The following DDX60L variants were observed in gnomAD, a reference collection of about 807,000 sequenced individuals.
DDX60L encodes probable ATP-dependent RNA helicase DDX60-like.
Under a neutral mutation model 211.6 loss-of-function variants are expected in DDX60L, and 191 were observed. The observed-to-expected ratio is 0.90, with a 90% CI of 0.80 to 1.02. The LOEUF is 1.02. DDX60L is among the 50% of genes least tolerant of loss of function. The pLI, the probability that DDX60L is intolerant of heterozygous loss-of-function variation, is 0.00. For synonymous variants in DDX60L, 706 were observed against 694.1 expected, an observed-to-expected ratio of 1.02 and a Z score of -0.27; for missense variants, 2,007 against 1,984.1, an observed-to-expected ratio of 1.01 and a Z score of -0.22.
In DDX60L at chr4:168,387,766, C is replaced by T. The variant is rs151046195; in HGVS notation, c.3916-2954G>A. Among the ~76,000 whole-genome samples, 951 of 152,152 alleles carry T rather than the reference C, an allele frequency of 6.3e-3. 14 individuals are homozygous for T. The highest frequency in any genetic ancestry group is 6.3e-3 in the Non-Finnish European group (425 of 67,984). On this transcript the variant is annotated intron_variant, in intron 29 of 37. Coordinates refer to ENST00000682922, the MANE Select transcript of DDX60L (RefSeq NM_001012967.3). ...GAGAGAAAAGCATTAAAGATGACTC[C>T]GGAGTGAAAAAGTGGGCACGGCAAA...
intron 34 of DDX60L, among the ~76,000 whole-genome samples, chr4:168,374,077 C>T (rs750897399): frequency 7.2e-5 from 11 of 152,008 alleles, no homozygotes; most frequent in Non-Finnish European, 1.5e-4. Context: ...ACCTCCTAGA[C>T]ATGATGTTCA....
At chr4:168,383,076 T>C (rs1040884465) in intron 30 of DDX60L, among the ~76,000 whole-genome samples, 1 of 152,182 alleles carries the variant, frequency 6.6e-6, no homozygotes, top group Non-Finnish European at 1.5e-5. Context: ...CAGTAAATAA[T>C]TGAACCAGGG....
chr4:168,373,157 C>T lies in DDX60L; in HGVS notation c.4776+509G>A, dbSNP rs376832543. 3.3e-4 allele frequency among the ~76,000 whole-genome samples: 50 copies of T among 152,186 alleles called. No homozygotes were observed. The East Asian group carries it at 8.9e-3, about 27-fold the overall frequency. On this transcript the variant is annotated intron_variant, in intron 35 of 37. Coordinates refer to ENST00000682922, the MANE Select transcript of DDX60L (RefSeq NM_001012967.3). ...GACCCAGGGATAAAATAAGCCAGTG[C>T]ACAGTGTCAATCTTTATTATTAAAT...
intron 4 of DDX60L, among the ~76,000 whole-genome samples, chr4:168,464,687 TTG>T (rs1179995406): frequency 6.6e-6 from 1 of 152,036 alleles, no homozygotes; most frequent in Non-Finnish European, 1.5e-5. Context: ...ACACAATTAT[TTG>T]TGTGTGTGCG....
intron 36 of DDX60L, among the ~76,000 whole-genome samples, chr4:168,365,664 T>A (rs181863920): frequency 1.3e-5 from 2 of 151,942 alleles, no homozygotes; most frequent in East Asian, 3.9e-4. Context: ...TACTTCCAAA[T>A]TTTTTTTACA....
At chr4:168,383,748 A>T (rs1743370252) in intron 30 of DDX60L, among the ~76,000 whole-genome samples, 1 of 152,294 alleles carries the variant, frequency 6.6e-6, no homozygotes, top group Non-Finnish European at 1.5e-5. Context: ...TCAGATAAAA[A>T]GTTTCTTGGC....
At chr4:168,431,334 T>C (rs911958506) in intron 12 of DDX60L, among the ~76,000 whole-genome samples, 10 of 152,210 alleles carry the variant, frequency 6.6e-5, no homozygotes, top group African/African-American at 1.9e-4. Flanking sequence ...TTTTGGATGT[T>C]GTTGCTTTTT....
chr4:168,359,827 C>T (rs1273669552), intron 37 of DDX60L, among the ~76,000 whole-genome samples: 1 of 152,184 alleles, frequency 6.6e-6, no homozygotes, highest in Non-Finnish European at 1.5e-5. Flanking sequence ...CAGTCCCTGT[C>T]ACAACCTCCA....
chr4:168,449,255 C>T (rs1307927613), intron 8 of DDX60L, among the ~76,000 whole-genome samples: 1 of 151,900 alleles, frequency 6.6e-6, no homozygotes, highest in African/African-American at 2.4e-5. Flanking sequence ...GATTAAGAGG[C>T]ACATATACAC....
Position 168,415,431 on chromosome 4 carries a change from A to G in DDX60L, c.2956T>C (p.Cys986Arg). The change falls in exon 22 of 38, where the codon TGT becomes CGT. Residue 986 changes from cysteine (C) to arginine (R), a missense_variant. By Grantham distance (180) the Cys-to-Arg change is radical. Coordinates refer to ENST00000682922, the MANE Select transcript of DDX60L (RefSeq NM_001012967.3). ...ACAATATCTGTCGTTAGCGCAGCAC[A>G]GGGATGAAAATGATCAAAATAAACA... ...DDVYFDHFHP[C>R]AALTTDIIEK... 1 of 1,606,256 alleles carries G rather than the reference A, an allele frequency of 6.2e-7. No homozygotes were observed. Among genetic ancestry groups the G allele is most frequent in the Non-Finnish European group, 8.5e-7 (1 of 1,175,784 alleles).
intron 9 of DDX60L, among the ~76,000 whole-genome samples, chr4:168,448,004 T>C (rs1755089621): frequency 6.6e-6 from 1 of 151,646 alleles, no homozygotes; most frequent in Non-Finnish European, 1.5e-5. Flanking sequence ...AATGTGCACA[T>C]GTACCCTAAA....
At chr4:168,423,510 T>C (rs1750974319) in intron 15 of DDX60L, 98 bp downstream of exon 15, 1 of 813,164 alleles carries the variant, frequency 1.2e-6, no homozygotes, top group Non-Finnish European at 1.8e-6. Context: ...AGTCAATTGA[T>C]AACTCTATAT....
intron 17 of DDX60L, among the ~76,000 whole-genome samples, chr4:168,420,635 C>G (rs1561034275): frequency 6.4e-5 from 6 of 93,684 alleles, no homozygotes; most frequent in African/African-American, 8.1e-5. Flanking sequence ...CACACACACA[C>G]ACACATGAGA....
chr4:168,361,271 C>T, intron 36 of DDX60L, 60 bp from the exon 37 acceptor site: 1 of 1,186,036 alleles, frequency 8.4e-7, no homozygotes, highest in South Asian at 1.3e-5. Context: ...AAAGAATTAA[C>T]TCAAACTTTA....
chr4:168,418,452 T>C (rs1749946539), intron 19 of DDX60L, among the ~76,000 whole-genome samples: 1 of 152,132 alleles, frequency 6.6e-6, no homozygotes, highest in Admixed American at 6.6e-5. Context: ...AAGATCAAGG[T>C]TTTTGTTTTG....
intron 9 of DDX60L, 51 bp from the exon 10 acceptor site, chr4:168,441,543 C>A: frequency 7.1e-7 from 1 of 1,416,970 alleles, no homozygotes; most frequent in South Asian, 1.3e-5. Context: ...CACATGCAGA[C>A]ACACACAGAG....
At chr4:168,440,025 G>A (rs1228274984) in intron 10 of DDX60L, among the ~76,000 whole-genome samples, 1 of 152,168 alleles carries the variant, frequency 6.6e-6, no homozygotes, top group Non-Finnish European at 1.5e-5. Flanking sequence ...AAACCACAAT[G>A]AGCTACCCCC....
intron 1 of DDX60L, among the ~76,000 whole-genome samples, chr4:168,478,050 AG>A (rs1351145770): frequency 2.6e-5 from 4 of 151,802 alleles, no homozygotes; most frequent in African/African-American, 9.7e-5. Context: ...CAACAAAATG[AG>A]ACCACATCCC....
chr4:168,457,088 T>C (rs1452813036), intron 6 of DDX60L, among the ~76,000 whole-genome samples: 2 of 151,802 alleles, frequency 1.3e-5, no homozygotes, highest in Non-Finnish European at 2.9e-5. Flanking sequence ...TGGTGGCATA[T>C]GCCTGTGGGT....
Sources: allele counts gnomAD v4.1 joint callset (sites outside exome capture counted in the v4.1 genomes callset), GRCh38; gene constraint gnomAD v4.1.1; transcripts MANE v1.5; gene names NCBI Gene and HGNC (gene_info 2026-07-23, HGNC 2026-07-21).